The following NAPSA variants were observed in gnomAD, a reference collection of about 807,000 sequenced individuals.
The protein encoded by NAPSA is napsin A aspartic peptidase, also known as napsin-A.
NAPSA carries 37 observed loss-of-function variants against 36.7 expected under a neutral mutation model. The ratio of observed to expected loss-of-function variants is 1.01; its 90% CI spans 0.78 to 1.33. NAPSA has a LOEUF of 1.33. Ranked by LOEUF, NAPSA falls within the 40% of genes most tolerant of loss-of-function variation. The pLI is 0.00. For missense variants in NAPSA, 532 were observed against 543.8 expected (o/e 0.98, Z 0.21); for synonymous variants, 222 against 234.5 (o/e 0.95, Z 0.49).
At position 50,360,939 on chromosome 19, in the gene NAPSA, A is replaced by G; in HGVS notation, c.668+2T>C. 6.2e-7 allele frequency: 1 copy of G among 1,613,656 alleles called. No homozygotes were observed. The highest frequency in any genetic ancestry group is 8.5e-7 in the Non-Finnish European group (1 of 1,179,800). On this transcript the variant is annotated splice_donor_variant, in intron 5 of 8. Transcript: ENST00000253719. LOFTEE classifies it high-confidence loss of function. ...CATAGATAGGTGCACACTTCCCAGTACCTGTTGAGGTAAAAGGAGAAGACA... is the reference window on the plus strand; with the variant it reads ...CATAGATAGGTGCACACTTCCCAGTGCCTGTTGAGGTAAAAGGAGAAGACA...
intron 8 of NAPSA, 42 bp downstream of exon 8, chr19:50,358,969 G>A (rs1269504584): frequency 3.2e-6 from 5 of 1,542,938 alleles, no homozygotes; most frequent in South Asian, 1.1e-5. Context: ...CTCTCAAACC[G>A]TCATATGACG....
At chr19:50,359,432 A>G (rs2037441421) in intron 7 of NAPSA, 71 bp downstream of exon 7, 2 of 1,595,298 alleles carry the variant, frequency 1.3e-6, no homozygotes, top group African/African-American at 2.7e-5. Flanking sequence ...TCCCACCCTC[A>G]GGCCCTTTGA....
At chr19:50,359,916 A>G in intron 5 of NAPSA, 54 bp from the exon 6 acceptor site, 2 of 1,572,694 alleles carry the variant, frequency 1.3e-6, no homozygotes, top group Admixed American at 1.8e-5. Context: ...GCCCTCCCTC[A>G]GCCCTAGGTA....
intron 5 of NAPSA, 58 bp downstream of exon 5, chr19:50,360,883 G>C: frequency 6.6e-7 from 1 of 1,521,160 alleles, no homozygotes; most frequent in South Asian, 1.2e-5. Flanking sequence ...CTTCCTGAAG[G>C]AAGACTCTCT....
rs753612978 is a variant in NAPSA, at chr19:50,359,057, A to G, written c.989T>C (p.Leu330Pro). Residue 330 changes from leucine (L) to proline (P), a missense_variant, in exon 8 of 9, where the codon CTT (leucine) becomes CCT (proline). By Grantham distance (98) the Leu-to-Pro change is moderately conservative (BLOSUM62 -3). Around this residue, in one of 3 missense-constraint regions of NAPSA, gnomAD observed 385 missense variants for 371.5 expected, o/e 1.04. Coordinates refer to ENST00000253719, the MANE Select transcript of NAPSA (RefSeq NM_004851.3). The part of the protein sequence containing the change: ...IPKLPAVSFL[L>P]GGVWFNLTAH... Reference sequence around the variant, plus strand: ...CGTGAGGTTAAACCAGACCCCCCCAAGAAGGAAGGAGACTGCGGGGAGCTT... The same window carrying G: ...CGTGAGGTTAAACCAGACCCCCCCAGGAAGGAAGGAGACTGCGGGGAGCTT... 1.2e-6 allele frequency: 2 copies of G among 1,614,132 alleles called. No homozygotes were observed. The highest frequency in any genetic ancestry group is 1.3e-5 in the African/African-American group (1 of 75,056).
chr19:50,367,549 C>CCCT (rs1376092737), upstream of NAPSA, among the ~76,000 whole-genome samples: 6 of 132,976 alleles, frequency 4.5e-5, no homozygotes, highest in Non-Finnish European at 8.4e-5. Flanking sequence ...TCTCTCTCTC[C>CCCT]CTCTCTCTCT....
chr19:50,365,705 C>G, upstream of NAPSA: 1 of 1,181,946 alleles, frequency 8.5e-7, no homozygotes, highest in Non-Finnish European at 1.2e-6. Flanking sequence ...TGCCCCACCT[C>G]CAGGTTTAGA....
chr19:50,368,125 T>TGCTAGATCTTG (rs1601132194), upstream of NAPSA, among the ~76,000 whole-genome samples: 3 of 127,922 alleles, frequency 2.3e-5, no homozygotes, highest in East Asian at 6.8e-4. Flanking sequence ...GCTGCTACAC[T>TGCTAGATCTTG]CCAGTCTGGG....
intron 4 of NAPSA, chr19:50,361,448 C>G (rs1462002758): frequency 3.4e-6 from 2 of 595,414 alleles, no homozygotes; most frequent in South Asian, 2.1e-5. Context: ...GCTCCTCCCC[C>G]CTGCTTGAGA....
intron 1 of NAPSA, among the ~76,000 whole-genome samples, chr19:50,363,024 A>G (rs952792245): frequency 6.6e-6 from 1 of 151,872 alleles, no homozygotes; most frequent in Non-Finnish European, 1.5e-5. Context: ...ACATTTGGAG[A>G]CTCATTTTCT....
chr19:50,368,238 C>T (rs1487234096), upstream of NAPSA, among the ~76,000 whole-genome samples: 1 of 151,688 alleles, frequency 6.6e-6, no homozygotes, highest in Non-Finnish European at 1.5e-5. Context: ...GGGTGTCATC[C>T]CAGCCCTTTG....
intron 4 of NAPSA, 96 bp from the exon 5 acceptor site, chr19:50,361,236 G>A (rs1222815661): frequency 9.3e-7 from 1 of 1,074,820 alleles, no homozygotes; most frequent in Non-Finnish European, 1.4e-6. Context: ...CTAGGTCTGG[G>A]GACTTCTGGA....
chr19:50,364,349 C>T (rs1252380811), intron 1 of NAPSA, among the ~76,000 whole-genome samples: 1 of 142,494 alleles, frequency 7.0e-6, no homozygotes, highest in Non-Finnish European at 1.5e-5. Context: ...GGCGCGGTGG[C>T]TTACGCCTGT....
chr19:50,361,582 C>T, intron 4 of NAPSA, 81 bp downstream of exon 4: 4 of 1,253,722 alleles, frequency 3.2e-6, no homozygotes, highest in Non-Finnish European at 4.7e-6. Context: ...AGCTCCTCCT[C>T]GAGCCTCTTC....
chr19:50,368,157 C>CAAAAAAAAA (rs56938224), upstream of NAPSA, among the ~76,000 whole-genome samples: 19 of 64,078 alleles, frequency 3.0e-4, no homozygotes, highest in Non-Finnish European at 3.8e-4. Context: ...GACTCCCTCT[C>CAAAAAAAAA]AAAAAAAAAA....
intron 1 of NAPSA, among the ~76,000 whole-genome samples, chr19:50,364,354 G>A (rs993270996): frequency 4.0e-5 from 6 of 148,438 alleles, no homozygotes; most frequent in East Asian, 4.0e-4. Flanking sequence ...GGTGGCTTAC[G>A]CCTGTAATCC....
upstream of NAPSA, among the ~76,000 whole-genome samples, chr19:50,367,546 CT>C (rs773161136): frequency 0.023 from 3,209 of 142,394 alleles, 58 homozygotes; most frequent in Middle Eastern, 0.046. Context: ...GTCTCTCTCT[CT>C]CCCTCTCTCT....
upstream of NAPSA, among the ~76,000 whole-genome samples, chr19:50,366,354 C>T (rs1489199662): frequency 6.6e-6 from 1 of 152,108 alleles, no homozygotes; most frequent in East Asian, 1.9e-4. Context: ...CCCGCCTCAG[C>T]CTCCTAAAGT....
rs762459260 is a variant in NAPSA at position 50,358,625 on chromosome 19, G to C, written c.1191C>G (p.Gly397=). ...CTCCGCGAGTGCGAGCGCGCGCCAG[G>C]CCCACCCGGGCGCTGCTCTTCATGT... ...RGDMKSSARV[G]LARARTRGAD... The change falls in exon 9 of 9, where the codon GGC becomes GGG. Residue 397 remains glycine, a synonymous_variant. Transcript: ENST00000253719. 1.3e-5 allele frequency: 21 copies of C among 1,612,638 alleles called. No homozygotes were observed. Among genetic ancestry groups the C allele is most frequent in the Admixed American group, 1.0e-4 (6 of 59,944 alleles).
Sources: allele counts gnomAD v4.1 joint callset (sites outside exome capture counted in the v4.1 genomes callset), GRCh38; gene constraint gnomAD v4.1.1; regional missense constraint gnomAD v4.1.1; transcripts MANE v1.5; gene names NCBI Gene and HGNC (gene_info 2026-07-23, HGNC 2026-07-21).